DLG2: variants seen among roughly 807,000 people sequenced by gnomAD.
The protein encoded by DLG2 is discs large MAGUK scaffold protein 2.
DLG2 carries 45 observed loss-of-function variants against 132.5 expected under a neutral mutation model. That is an observed-to-expected ratio of 0.34 (90% confidence interval 0.27 to 0.44). DLG2 has a LOEUF of 0.44. DLG2 is among the 20% of genes least tolerant of loss of function. The pLI is 1.00. For synonymous variants in DLG2, 424 were observed against 419.6 expected, an observed-to-expected ratio of 1.01 and a Z score of -0.13; for missense variants, 1,045 against 1,196.9, an observed-to-expected ratio of 0.87 and a Z score of 1.87.
chr11:85,302,063 A>G (rs1300460143), intron 3 of DLG2, among the ~76,000 whole-genome samples: 1 of 152,170 alleles, frequency 6.6e-6, no homozygotes, highest in Non-Finnish European at 1.5e-5. Flanking sequence ...ATGGGAAGAA[A>G]TCTCTCTAAG....
chr11:85,478,955 T>C (rs1436700018), intron 3 of DLG2, among the ~76,000 whole-genome samples: 1 of 152,248 alleles, frequency 6.6e-6, no homozygotes. Context: ...GTTACCCTTA[T>C]GGTCTTTGAG....
At chr11:84,737,205 G>A (rs2063951542) in intron 6 of DLG2, among the ~76,000 whole-genome samples, 1 of 151,850 alleles carries the variant, frequency 6.6e-6, no homozygotes, top group Admixed American at 6.6e-5. Context: ...AAGCTTGTTT[G>A]GTCATGATAT....
chr11:84,705,737 A>C (rs1481657714), intron 6 of DLG2, among the ~76,000 whole-genome samples: 1 of 151,746 alleles, frequency 6.6e-6, no homozygotes, highest in Non-Finnish European at 1.5e-5. Context: ...CTCTGCTGTC[A>C]TGAAGTGGAG....
At chr11:85,206,741 G>A (rs550396106) in intron 4 of DLG2, among the ~76,000 whole-genome samples, 6 of 152,196 alleles carry the variant, frequency 3.9e-5, no homozygotes, top group African/African-American at 1.2e-4. Context: ...GCTGAGGAAG[G>A]GGAATTGCTT....
chr11:84,690,171 C>A (rs2057855594), intron 6 of DLG2, among the ~76,000 whole-genome samples: 1 of 151,652 alleles, frequency 6.6e-6, no homozygotes, highest in Non-Finnish European at 1.5e-5. Flanking sequence ...TCAAAGGGTA[C>A]AAAGTTTTGG....
At chr11:85,089,483 T>C (rs2068432839) in intron 6 of DLG2, among the ~76,000 whole-genome samples, 1 of 152,204 alleles carries the variant, frequency 6.6e-6, no homozygotes, top group Admixed American at 6.5e-5. Flanking sequence ...TATGGCTGCA[T>C]AGTATTCCAT....
chr11:84,766,446 G>A (rs1269677904), intron 6 of DLG2, among the ~76,000 whole-genome samples: 1 of 151,922 alleles, frequency 6.6e-6, no homozygotes, highest in Non-Finnish European at 1.5e-5. Flanking sequence ...GTTAGCAACT[G>A]GCCTAGCACA....
chr11:85,231,871 A>G (rs2075318724), intron 4 of DLG2, among the ~76,000 whole-genome samples: 1 of 151,930 alleles, frequency 6.6e-6, no homozygotes, highest in Non-Finnish European at 1.5e-5. Flanking sequence ...AGAACTGTGC[A>G]AACTCCAGAA....
intron 3 of DLG2, among the ~76,000 whole-genome samples, chr11:85,496,838 G>A (rs747289834): frequency 6.6e-6 from 1 of 152,166 alleles, no homozygotes; most frequent in Non-Finnish European, 1.5e-5. Context: ...TGAGAGGCCT[G>A]TCTGTTAGAA....
chr11:84,496,039 C>A (rs374099518), intron 7 of DLG2, among the ~76,000 whole-genome samples: 8 of 152,052 alleles, frequency 5.3e-5, no homozygotes, highest in African/African-American at 1.4e-4. Flanking sequence ...TTCTTGAGTA[C>A]CACCAGGCAT....
intron 4 of DLG2, among the ~76,000 whole-genome samples, chr11:85,215,446 A>G (rs550669462): frequency 2.0e-5 from 3 of 152,236 alleles, no homozygotes; most frequent in African/African-American, 4.8e-5. Context: ...TGCCACCTCA[A>G]AATATTCCAC....
Position 83,904,200 on chromosome 11 carries a change from G to A in DLG2, c.1496+26128C>T, listed in dbSNP as rs544683134. On this transcript the variant is annotated intron_variant, in intron 15 of 27. Coordinates refer to ENST00000376104, the MANE Select transcript of DLG2 (RefSeq NM_001142699.3). ...TAAGGGATTATTCGGGTCCTGGGCA[G>A]GATAGTGAGAGATTTTATCATGCTT... Among the ~76,000 whole-genome samples, 4 of 152,184 alleles carry A rather than the reference G, an allele frequency of 2.6e-5. No homozygotes were observed. The South Asian group carries it at 8.3e-4, about 32-fold the overall frequency.
chr11:84,198,237 G>A (rs1006113134), intron 8 of DLG2, among the ~76,000 whole-genome samples: 5 of 152,068 alleles, frequency 3.3e-5, no homozygotes, highest in African/African-American at 1.2e-4. Flanking sequence ...GGTAGAGAGT[G>A]TATATTAATC....
At chr11:83,998,421 T>C (rs985577360) in intron 11 of DLG2, among the ~76,000 whole-genome samples, 2 of 152,020 alleles carry the variant, frequency 1.3e-5, no homozygotes, top group African/African-American at 4.8e-5. Flanking sequence ...TTCGTATAGT[T>C]CCCTGAAGAG....
At chr11:83,855,831 T>C (rs1357600327) in intron 16 of DLG2, among the ~76,000 whole-genome samples, 1 of 151,814 alleles carries the variant, frequency 6.6e-6, no homozygotes, top group African/African-American at 2.4e-5. Context: ...AGAGACTCTG[T>C]CTCAAAAAAA....
At chr11:83,918,023 A>T (rs1015498973) in intron 15 of DLG2, among the ~76,000 whole-genome samples, 5 of 152,154 alleles carry the variant, frequency 3.3e-5, no homozygotes, top group African/African-American at 1.2e-4. Flanking sequence ...TACCAAGCAG[A>T]AAGGTAGGGT....
intron 22 of DLG2, chr11:83,483,447 A>T (rs2093286214): frequency 1.8e-6 from 1 of 550,120 alleles, no homozygotes; most frequent in Non-Finnish European, 3.2e-6. Flanking sequence ...TTTTAAAAAA[A>T]CTTTCACCCC....
intron 3 of DLG2, among the ~76,000 whole-genome samples, chr11:85,588,267 G>A (rs1198802371): frequency 1.3e-5 from 2 of 152,084 alleles, no homozygotes; most frequent in Non-Finnish European, 2.9e-5. Context: ...GCCAGGCAAG[G>A]TTTCCTCAAT....
intron 4 of DLG2, among the ~76,000 whole-genome samples, chr11:85,227,620 G>C (rs982500368): frequency 2.0e-5 from 3 of 152,048 alleles, no homozygotes; most frequent in Non-Finnish European, 4.4e-5. Flanking sequence ...AAGGAATAAG[G>C]AGTTTAATCT....
Sources: allele counts gnomAD v4.1 joint callset (sites outside exome capture counted in the v4.1 genomes callset), GRCh38; gene constraint gnomAD v4.1.1; transcripts MANE v1.5; gene names NCBI Gene and HGNC (gene_info 2026-07-23, HGNC 2026-07-21).